PCDHA11: variants seen among roughly 807,000 people sequenced by gnomAD.
PCDHA11 encodes protocadherin alpha-11.
A neutral mutation model predicts 70.3 loss-of-function variants in PCDHA11; 61 were observed. The observed-to-expected ratio is 0.87, with a 90% CI of 0.71 to 1.07. The LOEUF (loss-of-function observed/expected upper bound fraction) is 1.07, where lower values mean the gene tolerates loss of function less well. PCDHA11 is among the 50% of genes least tolerant of loss of function. The probability of loss-of-function intolerance (pLI) is 0.00; values close to 1 mark genes in which losing one functional copy is unlikely to be tolerated. For missense variants in PCDHA11, 1,324 were observed against 1,237.5 expected (o/e 1.07, Z -1.05); for synonymous variants, 633 against 555.1 (o/e 1.14, Z -1.97).
chr5:141,004,346 G>C (rs2098162740), intron 3 of PCDHA11, among the ~76,000 whole-genome samples: 1 of 152,212 alleles, frequency 6.6e-6, no homozygotes, highest in Non-Finnish European at 1.5e-5. Context: ...GTCTGTGAGG[G>C]ACTGGAGAGA....
chr5:140,992,436 G>A (rs782486395), intron 3 of PCDHA11, among the ~76,000 whole-genome samples: 10 of 152,186 alleles, frequency 6.6e-5, no homozygotes, highest in Non-Finnish European at 1.3e-4. Flanking sequence ...TGTTCCAAGA[G>A]TTGGGAGCAG....
Position 141,001,288 on chromosome 5 carries a change from C to T in PCDHA11, c.2540-8339C>T, listed in dbSNP as rs147786395. 2.9e-3 allele frequency among the ~76,000 whole-genome samples: 438 copies of T among 152,218 alleles called. 7 individuals are homozygous for T. The East Asian group carries it at 0.044, about 15-fold the overall frequency. ...TATGAACTTTTTTTACGGATGAAAACTGAGGCCCAGAGATATGAAATAATT... is the reference window on the plus strand; with the variant it reads ...TATGAACTTTTTTTACGGATGAAAATTGAGGCCCAGAGATATGAAATAATT... On this transcript the variant is annotated intron_variant, in intron 3 of 3. Transcript: ENST00000398640.
chr5:140,994,272 C>G (rs1400320599), intron 3 of PCDHA11, among the ~76,000 whole-genome samples: 1 of 152,168 alleles, frequency 6.6e-6, no homozygotes, highest in Non-Finnish European at 1.5e-5. Context: ...GCTAGGCTGC[C>G]TTTCTTGAGA....
chr5:140,939,379 A>C (rs1554212694), intron 1 of PCDHA11, among the ~76,000 whole-genome samples: 1 of 152,170 alleles, frequency 6.6e-6, no homozygotes, highest in Non-Finnish European at 1.5e-5. Flanking sequence ...GAACACAAAC[A>C]TTCAGATCAT....
At chr5:141,004,156 A>G (rs2098155888) in intron 3 of PCDHA11, among the ~76,000 whole-genome samples, 1 of 152,248 alleles carries the variant, frequency 6.6e-6, no homozygotes, top group Admixed American at 6.5e-5. Flanking sequence ...GACATTTTAT[A>G]GGCAAAGCCA....
chr5:140,943,696 A>G (rs2093549628), intron 1 of PCDHA11, among the ~76,000 whole-genome samples: 1 of 152,256 alleles, frequency 6.6e-6, no homozygotes, highest in South Asian at 2.1e-4. Context: ...AGGTCAAAAT[A>G]TTGTGGAACA....
At chr5:140,876,033 T>A in intron 1 of PCDHA11, 1 of 1,613,668 alleles carries the variant, frequency 6.2e-7, no homozygotes, top group South Asian at 1.1e-5. Context: ...CAAAAAAAGA[T>A]AAAAGTATAT....
intron 2 of PCDHA11, among the ~76,000 whole-genome samples, chr5:140,980,525 G>C (rs1554241939): frequency 6.6e-6 from 1 of 152,166 alleles, no homozygotes; most frequent in African/African-American, 2.4e-5. Context: ...AGCTACTAGG[G>C]AGGCTGAGGC....
At chr5:140,936,863 A>G (rs1177234152) in intron 1 of PCDHA11, among the ~76,000 whole-genome samples, 1 of 152,120 alleles carries the variant, frequency 6.6e-6, no homozygotes, top group East Asian at 1.9e-4. Context: ...CTCAGTTTCT[A>G]TTTTAAAAAA....
chr5:140,896,485 C>G (rs1259028670), intron 1 of PCDHA11, among the ~76,000 whole-genome samples: 1 of 152,032 alleles, frequency 6.6e-6, no homozygotes, highest in Non-Finnish European at 1.5e-5. Context: ...GCCTCAGCCT[C>G]CTGAGTAGCT....
At chr5:140,876,223 T>C (rs2056212607) in intron 1 of PCDHA11, 2 of 1,613,782 alleles carry the variant, frequency 1.2e-6, no homozygotes, top group Non-Finnish European at 1.7e-6. Flanking sequence ...TAAAGTAGTG[T>C]TGTCTGAAAA....
rs782258774 is a variant in PCDHA11, at chr5:140,869,980, A to G, written c.877A>G (p.Thr293Ala). 91 of 1,613,262 alleles carry G rather than the reference A, an allele frequency of 5.6e-5. No individual in the cohort carries two copies. Among genetic ancestry groups the G allele is most frequent in the Non-Finnish European group, 7.5e-5 (89 of 1,179,648 alleles). The stretch of plus-strand genomic sequence containing the variant: ...TAAGCCCAATGGAAGACACTTATTT[A>G]CACTAGATCAAAATAATGGAGAAGT... ...SIKPNGRHLF[T>A]LDQNNGEVRV... is the part of the protein sequence containing the mutation. Residue 293 changes from threonine to alanine, a missense_variant, in exon 1 of 4, where the codon ACA (threonine) becomes GCA (alanine). Physicochemically the swap from Thr to Ala is moderately conservative, Grantham distance 58. Transcript: ENST00000398640.
chr5:140,892,417 G>A lies in PCDHA11; in HGVS notation c.2391+20923G>A, dbSNP rs78605430. 5.2e-3 allele frequency among the ~76,000 whole-genome samples: 785 copies of A among 152,216 alleles called. 8 individuals are homozygous for A. Among genetic ancestry groups the A allele is most frequent in the Non-Finnish European group, 8.7e-3 (594 of 68,002 alleles). ...TCTATTTCAAGCTTCAGGTATTCTA[G>A]ATAAAACCTCATTATCTAAAATTTA... On this transcript the variant is annotated intron_variant, in intron 1 of 3. Transcript: ENST00000398640.
intron 1 of PCDHA11, among the ~76,000 whole-genome samples, chr5:140,899,462 T>C (rs2067338282): frequency 6.6e-6 from 1 of 152,366 alleles, no homozygotes; most frequent in Admixed American, 6.5e-5. Context: ...GTGGTTTTTG[T>C]CTTTGGTTCT....
At chr5:140,969,464 C>T in intron 1 of PCDHA11, 2 of 1,491,562 alleles carry the variant, frequency 1.3e-6, no homozygotes, top group South Asian at 2.7e-5. Context: ...ATATAGTATC[C>T]ACAATTTGAT....
chr5:140,936,846 T>C (rs1385625641), intron 1 of PCDHA11, among the ~76,000 whole-genome samples: 1 of 152,206 alleles, frequency 6.6e-6, no homozygotes, highest in Non-Finnish European at 1.5e-5. Context: ...AATTGTAGAT[T>C]CAGCTTCTCA....
intron 1 of PCDHA11, among the ~76,000 whole-genome samples, chr5:140,963,581 G>A (rs2095775682): frequency 6.6e-6 from 1 of 152,210 alleles, no homozygotes; most frequent in Non-Finnish European, 1.5e-5. Flanking sequence ...TTCTCAAAAT[G>A]TAGGATATAG....
intron 1 of PCDHA11, among the ~76,000 whole-genome samples, chr5:140,889,342 A>G (rs1418641372): frequency 6.6e-6 from 1 of 152,018 alleles, no homozygotes; most frequent in East Asian, 1.9e-4. Context: ...GATTGGTGGG[A>G]ATATTTCTGA....
At chr5:140,974,910 C>T (rs1054560750) in intron 1 of PCDHA11, among the ~76,000 whole-genome samples, 1 of 152,114 alleles carries the variant, frequency 6.6e-6, no homozygotes, top group Admixed American at 6.5e-5. Flanking sequence ...AACAAATTAC[C>T]ACAAGTAAGT....
Sources: gnomAD v4.1 joint callset for allele counts (sites outside exome capture counted in the v4.1 genomes callset) on GRCh38, gnomAD v4.1.1 for gene constraint, MANE v1.5 for transcripts, NCBI Gene and HGNC (gene_info 2026-07-23, HGNC 2026-07-21) for gene names.